NGLY1: variants seen among roughly 807,000 people sequenced by gnomAD.
NGLY1 encodes the protein peptide-N(4)-(N-acetyl-beta-glucosaminyl)asparagine amidase.
NGLY1 carries 68 observed loss-of-function variants against 84.6 expected under a neutral mutation model. That is an observed-to-expected ratio of 0.80 (90% CI 0.66 to 0.98). The LOEUF is 0.98. Ranked by LOEUF, NGLY1 falls within the 50% of genes least tolerant of loss-of-function variation. The probability of loss-of-function intolerance (pLI) is 0.00; values close to 1 mark genes in which losing one functional copy is unlikely to be tolerated. For missense variants in NGLY1, 779 were observed against 770.2 expected (o/e 1.01, Z -0.14); for synonymous variants, 280 against 275.2 (o/e 1.02, Z -0.17).
At chr3:25,755,673 T>C in intron 3 of NGLY1, 2 of 1,462,744 alleles carry the variant, frequency 1.4e-6, no homozygotes, top group Non-Finnish European at 1.9e-6. Flanking sequence ...ACAATGATAC[T>C]ATGTAAGGAA....
At chr3:25,759,911 T>TAAAA (rs748237273) in intron 3 of NGLY1, among the ~76,000 whole-genome samples, 2 of 60,656 alleles carry the variant, frequency 3.3e-5, no homozygotes, top group African/African-American at 3.1e-5. Context: ...CTTCTTTAGT[T>TAAAA]AAAAAAACAC....
chr3:25,755,165 C>G, intron 3 of NGLY1: 1 of 1,267,654 alleles, frequency 7.9e-7, no homozygotes, highest in Non-Finnish European at 1.2e-6. Context: ...TCGTGCTGAT[C>G]TTTTTACCTC....
intron 2 of NGLY1, among the ~76,000 whole-genome samples, chr3:25,767,152 C>T (rs969774715): frequency 6.6e-6 from 1 of 151,864 alleles, no homozygotes; most frequent in East Asian, 1.9e-4. Context: ...ATTGGCTGGG[C>T]GCAGTGGCAG....
intron 10 of NGLY1, among the ~76,000 whole-genome samples, chr3:25,721,951 T>C (rs1705016230): frequency 1.3e-5 from 2 of 148,154 alleles, no homozygotes; most frequent in Non-Finnish European, 3.0e-5. Flanking sequence ...GGCACAGTCA[T>C]TCACACCGGT....
chr3:25,764,684 T>A (rs1334319775), intron 2 of NGLY1, among the ~76,000 whole-genome samples: 1 of 152,018 alleles, frequency 6.6e-6, no homozygotes, highest in African/African-American at 2.4e-5. Flanking sequence ...TACTATTCTC[T>A]ATGAAATTCC....
At chr3:25,727,344 T>C (rs1705314921) in intron 10 of NGLY1, among the ~76,000 whole-genome samples, 1 of 152,214 alleles carries the variant, frequency 6.6e-6, no homozygotes. Flanking sequence ...TTGTCTATCA[T>C]TTACATTATT....
chr3:25,766,571 T>C (rs1303645822), intron 2 of NGLY1, among the ~76,000 whole-genome samples: 2 of 152,190 alleles, frequency 1.3e-5, no homozygotes, highest in Non-Finnish European at 2.9e-5. Context: ...ACTGTAATGA[T>C]TAGACGACTG....
chr3:25,755,797 A>G, intron 3 of NGLY1: 1 of 615,482 alleles, frequency 1.6e-6, no homozygotes, highest in Non-Finnish European at 2.8e-6. Flanking sequence ...ATATTAGTTA[A>G]AACTGTTAGA....
At chr3:25,738,667 C>T (rs1240403737) in intron 5 of NGLY1, among the ~76,000 whole-genome samples, 16 of 151,168 alleles carry the variant, frequency 1.1e-4, no homozygotes, top group African/African-American at 2.9e-4. Context: ...CTCACTCTGT[C>T]GCCCAGGCTG....
At chr3:25,785,973 C>T (rs1255212730), upstream of NGLY1, among the ~76,000 whole-genome samples, 1 of 152,228 alleles carries the variant, frequency 6.6e-6, no homozygotes, top group Non-Finnish European at 1.5e-5. Flanking sequence ...CTGCTTTGCA[C>T]ACAGCAGGTA....
intron 10 of NGLY1, among the ~76,000 whole-genome samples, chr3:25,724,141 A>C (rs1037492715): frequency 6.6e-6 from 1 of 152,228 alleles, no homozygotes; most frequent in African/African-American, 2.4e-5. Flanking sequence ...GATTTTGCTC[A>C]AAGATTTTTT....
chr3:25,752,265 C>T (rs1228177005), intron 3 of NGLY1, among the ~76,000 whole-genome samples: 1 of 151,920 alleles, frequency 6.6e-6, no homozygotes. Context: ...CTGTGTTGCC[C>T]AGGCTGGAGT....
intron 3 of NGLY1, among the ~76,000 whole-genome samples, chr3:25,758,123 C>A (rs1218545689): frequency 6.6e-6 from 1 of 152,176 alleles, no homozygotes; most frequent in Non-Finnish European, 1.5e-5. Context: ...GCAAACACAT[C>A]ATCTGCTTTT....
chr3:25,748,719 A>T (rs2125506389), intron 4 of NGLY1, among the ~76,000 whole-genome samples: 1 of 152,308 alleles, frequency 6.6e-6, no homozygotes, highest in East Asian at 1.9e-4. Context: ...CTCTCTACTC[A>T]TAAAAGTGAG....
chr3:25,732,494 T>C lies in NGLY1; in HGVS notation c.1261-11A>G, dbSNP rs192062614. 497 of 1,607,420 alleles carry C rather than the reference T, an allele frequency of 3.1e-4. 1 individual carries two copies. In the African/African-American group the frequency reaches 5.7e-3, roughly 18 times the overall value. On this transcript the variant is annotated splice_polypyrimidine_tract_variant and intron_variant, in intron 8 of 11. Coordinates refer to ENST00000280700, the MANE Select transcript of NGLY1 (RefSeq NM_018297.4). ...CAAAAACAGTTGCCTCTGTAATTCATGTTTTTTAAAAAAGTTGTTAAGATT... is the reference window on the plus strand; with the variant it reads ...CAAAAACAGTTGCCTCTGTAATTCACGTTTTTTAAAAAAGTTGTTAAGATT...
intron 3 of NGLY1, among the ~76,000 whole-genome samples, chr3:25,759,951 C>G (rs570008093): frequency 1.3e-5 from 2 of 150,648 alleles, no homozygotes; most frequent in Non-Finnish European, 3.0e-5. Flanking sequence ...CACAACAAAT[C>G]AAGGCTTGAG....
At chr3:25,788,534 T>C (rs566284451) in intron 1 of NGLY1, among the ~76,000 whole-genome samples, 1 of 152,218 alleles carries the variant, frequency 6.6e-6, no homozygotes, top group Non-Finnish European at 1.5e-5. Flanking sequence ...ACAAAAATGA[T>C]GGTCTTTTTA....
chr3:25,732,521 G>T, intron 8 of NGLY1, 38 bp from the exon 9 acceptor site: 1 of 1,563,588 alleles, frequency 6.4e-7, no homozygotes, highest in Non-Finnish European at 8.8e-7. Flanking sequence ...GTTAAGATTA[G>T]GGGAATGTAT....
intron 4 of NGLY1, chr3:25,749,551 C>G: frequency 3.2e-6 from 5 of 1,573,346 alleles, no homozygotes; most frequent in Non-Finnish European, 4.3e-6. Flanking sequence ...GAAGTTCATC[C>G]GGCACCAGTC....
Sources: allele counts gnomAD v4.1 joint callset (sites outside exome capture counted in the v4.1 genomes callset), GRCh38; gene constraint gnomAD v4.1.1; transcripts MANE v1.5; gene names NCBI Gene and HGNC (gene_info 2026-07-23, HGNC 2026-07-21).